Variants in ZZZ3 observed in about 807,000 individuals in gnomAD.
The protein encoded by ZZZ3 is zinc finger ZZ-type containing 3.
A neutral mutation model predicts 95.2 loss-of-function variants in ZZZ3; 22 were observed. The observed-to-expected ratio is 0.23, with a 90% CI of 0.17 to 0.33. The LOEUF is 0.33. ZZZ3 is among the 10% of genes least tolerant of loss of function. ZZZ3 has a pLI of 1.00. For synonymous variants in ZZZ3, 335 were observed against 358.9 expected, an observed-to-expected ratio of 0.93 and a Z score of 0.75; for missense variants, 885 against 1,066.5, an observed-to-expected ratio of 0.83 and a Z score of 2.37.
chr1:77,662,051 T>C (rs1242996168), intron 1 of ZZZ3, among the ~76,000 whole-genome samples: 1 of 151,674 alleles, frequency 6.6e-6, no homozygotes, highest in African/African-American at 2.4e-5. Context: ...AGTTTTGCTC[T>C]GTCGCCCAGG....
intron 5 of ZZZ3, among the ~76,000 whole-genome samples, chr1:77,587,555 C>T (rs1160816406): frequency 2.6e-5 from 4 of 152,180 alleles, no homozygotes; most frequent in Non-Finnish European, 5.9e-5. Flanking sequence ...TGAGCCACCG[C>T]GCCCAGCCCT....
At chr1:77,640,699 G>C (rs565611252) in intron 3 of ZZZ3, among the ~76,000 whole-genome samples, 19 of 151,942 alleles carry the variant, frequency 1.3e-4, no homozygotes, top group African/African-American at 4.1e-4. Context: ...ACGACCAGCA[G>C]ATGTTTATGA....
intron 5 of ZZZ3, among the ~76,000 whole-genome samples, chr1:77,628,692 T>G (rs974909463): frequency 1.3e-5 from 2 of 152,212 alleles, no homozygotes; most frequent in Admixed American, 6.5e-5. Flanking sequence ...ACTGTTAGGT[T>G]AGAGGAAAAG....
chr1:77,644,504 T>C (rs770923385), intron 1 of ZZZ3, among the ~76,000 whole-genome samples: 4 of 152,232 alleles, frequency 2.6e-5, no homozygotes, highest in Non-Finnish European at 4.4e-5. Flanking sequence ...GGATGCCTTC[T>C]ATAGATTTTC....
intron 5 of ZZZ3, among the ~76,000 whole-genome samples, chr1:77,601,016 TG>T (rs1163705810): frequency 1.3e-5 from 2 of 152,144 alleles, no homozygotes; most frequent in East Asian, 3.9e-4. Context: ...ACAAGAAGAA[TG>T]GATTAGAATG....
At chr1:77,631,299 TAATTAC>T (rs1336530183) in intron 5 of ZZZ3, among the ~76,000 whole-genome samples, 1 of 152,214 alleles carries the variant, frequency 6.6e-6, no homozygotes, top group African/African-American at 2.4e-5. Context: ...GCTAATATGC[TAATTAC>T]AATATACTGT....
At chr1:77,585,373 CACT>C (rs938665206) in intron 5 of ZZZ3, among the ~76,000 whole-genome samples, 18 of 152,198 alleles carry the variant, frequency 1.2e-4, no homozygotes, top group African/African-American at 4.3e-4. Flanking sequence ...CCTGAAATCT[CACT>C]ACAATACATC....
At chr1:77,569,734 T>C (rs1661187438) in intron 12 of ZZZ3, among the ~76,000 whole-genome samples, 2 of 152,198 alleles carry the variant, frequency 1.3e-5, no homozygotes, top group African/African-American at 4.8e-5. Flanking sequence ...TTAGATTTCC[T>C]ACCTCCACTG....
At chr1:77,639,851 A>C (rs2100893961) in intron 3 of ZZZ3, among the ~76,000 whole-genome samples, 1 of 152,244 alleles carries the variant, frequency 6.6e-6, no homozygotes, top group African/African-American at 2.4e-5. Context: ...ATTAGTTTGA[A>C]CTGAGTCAAA....
Position 77,565,432 on chromosome 1 carries a change from C to G in ZZZ3, c.*208G>C, listed in dbSNP as rs1198223779. ...GTGGTGAAAAATTCACCAGGGAAAC[C>G]TTTGCTCACCAGGAATGTTCAGCTG... On this transcript the variant is annotated 3_prime_UTR_variant, in exon 15 of 15. Transcript: ENST00000370801. 1 of 459,196 alleles carries G rather than the reference C, an allele frequency of 2.2e-6. No individual in the cohort carries two copies. Among genetic ancestry groups the G allele is most frequent in the African/African-American group, 2.0e-5 (1 of 49,470 alleles). The allele number at this position is 459,196 out of a possible 1,614,324, so 28.4% of individuals were successfully genotyped here. A position where few individuals can be genotyped will look rare whatever the true frequency, so the allele number is the denominator to read the frequency against.
chr1:77,625,666 CCT>C (rs1667267312), intron 5 of ZZZ3, among the ~76,000 whole-genome samples: 1 of 151,974 alleles, frequency 6.6e-6, no homozygotes, highest in Non-Finnish European at 1.5e-5. Context: ...TACTTCATAA[CCT>C]CTGTCAAAAA....
intron 1 of ZZZ3, among the ~76,000 whole-genome samples, chr1:77,647,545 A>C (rs1325215191): frequency 6.6e-6 from 1 of 152,082 alleles, no homozygotes; most frequent in African/African-American, 2.4e-5. Flanking sequence ...AAAAATACCC[A>C]ATAGATATAA....
intron 1 of ZZZ3, among the ~76,000 whole-genome samples, chr1:77,656,823 C>T (rs1379595340): frequency 6.6e-6 from 1 of 152,176 alleles, no homozygotes; most frequent in African/African-American, 2.4e-5. Flanking sequence ...ATAGTTGATT[C>T]TCATAAAGTT....
chr1:77,659,674 A>T (rs552700810), intron 1 of ZZZ3, among the ~76,000 whole-genome samples: 24 of 149,340 alleles, frequency 1.6e-4, no homozygotes, highest in African/African-American at 5.7e-4. Flanking sequence ...TGACAAAGAG[A>T]GACTCCATCT....
At chr1:77,573,374 A>G (rs1661608951) in intron 12 of ZZZ3, among the ~76,000 whole-genome samples, 1 of 151,878 alleles carries the variant, frequency 6.6e-6, no homozygotes, top group South Asian at 2.1e-4. Context: ...TGCCCACCTC[A>G]GCCTCCCAAA....
chr1:77,642,591 A>G (rs953537413), intron 1 of ZZZ3, among the ~76,000 whole-genome samples: 2 of 151,838 alleles, frequency 1.3e-5, no homozygotes, highest in African/African-American at 4.8e-5. Context: ...ACAAAACAAA[A>G]AAAAAAAAAA....
At chr1:77,643,831 C>G (rs966757796) in intron 1 of ZZZ3, among the ~76,000 whole-genome samples, 6 of 152,140 alleles carry the variant, frequency 3.9e-5, no homozygotes, top group South Asian at 4.1e-4. Flanking sequence ...AAGTTAAGCA[C>G]AATCCCTAAA....
chr1:77,681,876 G>A (rs1284088188), intron 1 of ZZZ3, among the ~76,000 whole-genome samples: 1 of 144,978 alleles, frequency 6.9e-6, no homozygotes, highest in African/African-American at 2.6e-5. Flanking sequence ...TCCAGCCTAG[G>A]CGACAAGAGC....
intron 5 of ZZZ3, among the ~76,000 whole-genome samples, chr1:77,609,819 T>C (rs986923339): frequency 1.3e-5 from 2 of 151,858 alleles, no homozygotes; most frequent in South Asian, 2.1e-4. Flanking sequence ...TAAAAGGAAA[T>C]TGAAAAACTT....
Sources: allele counts gnomAD v4.1 joint callset (sites outside exome capture counted in the v4.1 genomes callset), GRCh38; gene constraint gnomAD v4.1.1; transcripts MANE v1.5; gene names NCBI Gene and HGNC (gene_info 2026-07-23, HGNC 2026-07-21).